The following PLCG2 variants were observed in gnomAD, a reference collection of about 807,000 sequenced individuals.
The protein encoded by PLCG2 is phospholipase C gamma 2.
In PLCG2, 69 loss-of-function variants were observed where a neutral mutation model predicts 175.6. The observed-to-expected ratio is 0.39, with a 90% CI of 0.32 to 0.48. The LOEUF is 0.48. Ranked by LOEUF, PLCG2 falls within the 20% of genes least tolerant of loss-of-function variation. PLCG2 has a pLI of 0.91. For missense variants in PLCG2, 1,798 were observed against 1,650.9 expected, an observed-to-expected ratio of 1.09 and a Z score of -1.54; for synonymous variants, 827 against 624.0, an observed-to-expected ratio of 1.33 and a Z score of -4.85.
At chr16:81,768,803 G>A (rs865891676) in intron 2 of PLCG2, among the ~76,000 whole-genome samples, 3 of 152,042 alleles carry the variant, frequency 2.0e-5, no homozygotes, top group Non-Finnish European at 2.9e-5. Context: ...CTGACCTCAG[G>A]TGATTCATGC....
chr16:81,810,644 CT>C (rs869267263), intron 2 of PLCG2, among the ~76,000 whole-genome samples: 7 of 17,974 alleles, frequency 3.9e-4, no homozygotes, highest in African/African-American at 8.2e-4. Context: ...CAATTTCTTT[CT>C]TTTTATTTTT....
chr16:81,921,601 T>C (rs1910064495), intron 21 of PLCG2: 1 of 372,240 alleles, frequency 2.7e-6, no homozygotes, highest in African/African-American at 2.1e-5. Flanking sequence ...AAATTCCATT[T>C]GGTTCACTGA....
At chr16:81,827,320 A>G (rs1905086724) in intron 2 of PLCG2, among the ~76,000 whole-genome samples, 1 of 151,374 alleles carries the variant, frequency 6.6e-6, no homozygotes, top group Admixed American at 6.6e-5. Flanking sequence ...AGTACCTGGG[A>G]CCACAGGTGT....
intron 14 of PLCG2, among the ~76,000 whole-genome samples, chr16:81,901,123 T>C (rs1909132701): frequency 6.6e-6 from 1 of 152,204 alleles, no homozygotes; most frequent in Non-Finnish European, 1.5e-5. Flanking sequence ...CATTTGTTCA[T>C]TGGTGAACCT....
chr16:81,744,042 T>A, intron 1 of PLCG2, among the ~76,000 whole-genome samples: 1 of 151,882 alleles, frequency 6.6e-6, no homozygotes. Flanking sequence ...GTATTTTTAG[T>A]AAAGACAGGG....
chr16:81,932,022 C>T (rs1478386870), intron 25 of PLCG2, among the ~76,000 whole-genome samples: 3 of 152,190 alleles, frequency 2.0e-5, no homozygotes, highest in African/African-American at 7.2e-5. Context: ...ATCCTCCTGA[C>T]AGAAAACGTT....
chr16:81,911,940 G>A (rs1909645529), intron 18 of PLCG2, among the ~76,000 whole-genome samples: 1 of 151,978 alleles, frequency 6.6e-6, no homozygotes, highest in African/African-American at 2.4e-5. Flanking sequence ...TGGGACTACA[G>A]GCGCCTGCCA....
intron 2 of PLCG2, among the ~76,000 whole-genome samples, chr16:81,765,497 G>A (rs868549946): frequency 1.3e-5 from 2 of 152,254 alleles, no homozygotes; most frequent in South Asian, 2.1e-4. Context: ...TGGGCGTCAT[G>A]ATGGGCACCT....
intron 2 of PLCG2, among the ~76,000 whole-genome samples, chr16:81,789,999 G>A (rs1911159668): frequency 6.6e-6 from 1 of 152,202 alleles, no homozygotes; most frequent in South Asian, 2.1e-4. Flanking sequence ...GACTTCCAGT[G>A]CCCTTGGATG....
At chr16:81,934,713 A>G (rs903670183) in intron 26 of PLCG2, among the ~76,000 whole-genome samples, 182 bp downstream of exon 26, 4 of 152,134 alleles carry the variant, frequency 2.6e-5, no homozygotes, top group African/African-American at 9.7e-5. Flanking sequence ...TTTTTGGTGT[A>G]TTAGTCCATT....
chr16:81,760,746 A>AT (rs1910021264), intron 2 of PLCG2, among the ~76,000 whole-genome samples: 1 of 37,108 alleles, frequency 2.7e-5, no homozygotes, highest in African/African-American at 8.8e-5. Flanking sequence ...CCCCGTCTCT[A>AT]TTAAAAAAAA....
intron 21 of PLCG2, among the ~76,000 whole-genome samples, chr16:81,921,866 T>A (rs778689330): frequency 1.1e-4 from 16 of 152,230 alleles, no homozygotes; most frequent in Non-Finnish European, 2.1e-4. Flanking sequence ...AGAGATGACT[T>A]TCTTTTTCAA....
intron 2 of PLCG2, among the ~76,000 whole-genome samples, chr16:81,788,960 T>C (rs1480221839): frequency 6.6e-6 from 1 of 152,200 alleles, no homozygotes; most frequent in Non-Finnish European, 1.5e-5. Context: ...GAGACTGGAC[T>C]GCAGGTTGTT....
intron 31 of PLCG2, among the ~76,000 whole-genome samples, chr16:81,947,169 C>G (rs1911184958): frequency 6.6e-6 from 1 of 152,172 alleles, no homozygotes; most frequent in Non-Finnish European, 1.5e-5. Context: ...TCACCAGCAG[C>G]AGAGAAAATT....
chr16:81,783,841 T>A (rs1241690605), intron 1 of PLCG2, among the ~76,000 whole-genome samples: 1 of 150,678 alleles, frequency 6.6e-6, no homozygotes, highest in East Asian at 2.0e-4. Context: ...GGTTTTTTTT[T>A]AGCATACTCT....
chr16:81,830,333 T>G (rs1905209919), intron 2 of PLCG2, among the ~76,000 whole-genome samples: 1 of 151,968 alleles, frequency 6.6e-6, no homozygotes, highest in Admixed American at 6.6e-5. Flanking sequence ...TGAGACAGAG[T>G]CTTGCTCTGT....
chr16:81,793,288 T>A (rs1318554714), intron 2 of PLCG2, among the ~76,000 whole-genome samples: 1 of 152,224 alleles, frequency 6.6e-6, no homozygotes, highest in Admixed American at 6.5e-5. Context: ...TTGGGCATGT[T>A]GGTTTTCTTT....
chr16:81,930,343 C>T (rs1272126771), intron 24 of PLCG2, among the ~76,000 whole-genome samples: 2 of 152,188 alleles, frequency 1.3e-5, no homozygotes, highest in East Asian at 3.8e-4. Flanking sequence ...ACCCACGCCA[C>T]ATTTCTCTCC....
chr16:81,873,709 C>G (rs1356248366), intron 7 of PLCG2, among the ~76,000 whole-genome samples: 1 of 152,058 alleles, frequency 6.6e-6, no homozygotes, highest in African/African-American at 2.4e-5. Flanking sequence ...GCAGGAGGAT[C>G]CTTTGAGCTC....
Sources: gnomAD v4.1 joint callset for allele counts (sites outside exome capture counted in the v4.1 genomes callset) on GRCh38, gnomAD v4.1.1 for gene constraint, MANE v1.5 for transcripts, NCBI Gene and HGNC (gene_info 2026-07-23, HGNC 2026-07-21) for gene names.